IGF1R: variants seen among roughly 807,000 people sequenced by gnomAD.
The protein encoded by IGF1R is insulin like growth factor 1 receptor.
Under a neutral mutation model 144.6 loss-of-function variants are expected in IGF1R, and 44 were observed. The observed-to-expected ratio is 0.30, with a 90% confidence interval of 0.24 to 0.39. IGF1R has a LOEUF of 0.39. Ranked by LOEUF, IGF1R falls within the 10% of genes least tolerant of loss-of-function variation. The pLI is 1.00. For missense variants in IGF1R, 1,355 were observed against 1,833.7 expected (o/e 0.74, Z 4.77); for synonymous variants, 795 against 722.8 (o/e 1.10, Z -1.60).
chr15:98,691,488 C>G (rs929610404), intron 1 of IGF1R, among the ~76,000 whole-genome samples: 4 of 151,982 alleles, frequency 2.6e-5, no homozygotes, highest in African/African-American at 9.7e-5. Context: ...TTCAGCCTCC[C>G]GAGTAGCTGG....
At chr15:98,798,913 G>A (rs1223399391) in intron 2 of IGF1R, among the ~76,000 whole-genome samples, 7 of 152,118 alleles carry the variant, frequency 4.6e-5, no homozygotes, top group South Asian at 2.1e-4. Flanking sequence ...TCAAGGGTTC[G>A]TTCTGCTATT....
chr15:98,852,236 C>T (rs1252528233), intron 2 of IGF1R, among the ~76,000 whole-genome samples: 1 of 152,126 alleles, frequency 6.6e-6, no homozygotes, highest in African/African-American at 2.4e-5. Flanking sequence ...CCCGCTCCGC[C>T]GGCTGTGGTG....
chr15:98,802,671 G>C (rs2056387198), intron 2 of IGF1R, among the ~76,000 whole-genome samples: 1 of 152,202 alleles, frequency 6.6e-6, no homozygotes, highest in Non-Finnish European at 1.5e-5. Flanking sequence ...ACATCTACCT[G>C]TGCATTTTAT....
chr15:98,916,208 T>C (rs1194234066), intron 9 of IGF1R, 77 bp downstream of exon 9: 20 of 1,385,780 alleles, frequency 1.4e-5, no homozygotes, highest in African/African-American at 2.8e-5. Flanking sequence ...AGCCCTAATA[T>C]TACACGTATC....
At chr15:98,952,117 G>T (rs2016797654) in intron 20 of IGF1R, among the ~76,000 whole-genome samples, 1 of 152,142 alleles carries the variant, frequency 6.6e-6, no homozygotes, top group African/African-American at 2.4e-5. Flanking sequence ...TAGAGTAAAA[G>T]ATCCAGGACC....
intron 2 of IGF1R, among the ~76,000 whole-genome samples, chr15:98,854,795 C>T (rs1315371622): frequency 6.6e-6 from 1 of 152,166 alleles, no homozygotes; most frequent in Admixed American, 6.5e-5. Flanking sequence ...GTGAATCTCC[C>T]ATCACTACTT....
At position 98,790,289 on chromosome 15, in the gene IGF1R, C is replaced by G. The variant is rs374839140; in HGVS notation, c.640+82182C>G. Among the ~76,000 whole-genome samples the G allele has an allele frequency of 4.7e-4, 72 of 152,304 alleles. 1 individual carries two copies. The South Asian group carries it at 0.014, about 30-fold the overall frequency. On this transcript the variant is annotated intron_variant, in intron 2 of 20. Transcript: ENST00000650285. ...GTCCTTGCCTAGAAAGATCATCACT[C>G]TTTTTATTTAAAAGAAACATGTGAA...
intron 2 of IGF1R, among the ~76,000 whole-genome samples, chr15:98,849,318 G>T (rs141457546): frequency 0.011 from 1,713 of 152,290 alleles, 20 homozygotes; most frequent in Middle Eastern, 0.037. Context: ...TACTGGATTG[G>T]GGCATGTAAA....
At chr15:98,906,885 T>C (rs1234435833) in intron 5 of IGF1R, among the ~76,000 whole-genome samples, 1 of 152,250 alleles carries the variant, frequency 6.6e-6, no homozygotes, top group Non-Finnish European at 1.5e-5. Flanking sequence ...GTGTGCTCAC[T>C]GCACCCCTGT....
chr15:98,725,621 C>G (rs4965430), intron 2 of IGF1R, among the ~76,000 whole-genome samples: 79,319 of 152,018 alleles, frequency 0.52, 22,113 homozygotes, highest in Non-Finnish European at 0.62. Context: ...TTCCTTTGAT[C>G]AAGATCCTTG....
Position 98,964,203 on chromosome 15 carries a change from TA to T in IGF1R, c.*6770del, listed in dbSNP as rs967881948. 26 of 231,538 alleles carry T rather than the reference TA, an allele frequency of 1.1e-4. No individual in the cohort carries two copies. Among genetic ancestry groups the T allele is most frequent in the East Asian group, 2.5e-4 (4 of 16,300 alleles). 14.3% of individuals were successfully genotyped at this position (231,538 alleles called of 1,614,324 possible). A position where few individuals can be genotyped will look rare whatever the true frequency, so the allele number is the denominator to read the frequency against. On this transcript the variant is annotated 3_prime_UTR_variant, in exon 21 of 21. Coordinates refer to ENST00000650285, the MANE Select transcript of IGF1R (RefSeq NM_000875.5). The stretch of plus-strand genomic sequence containing the variant: ...TAATGCATTTTCTGAGTTTTCTTGT[TA>T]AAAAAAAATTTTTTTAAGTAAGAAA...
chr15:98,684,411 G>A (rs2053271096), intron 1 of IGF1R, among the ~76,000 whole-genome samples: 1 of 151,412 alleles, frequency 6.6e-6, no homozygotes, highest in Non-Finnish European at 1.5e-5. Flanking sequence ...TGGGGGAGGT[G>A]GGGGGTGTGG....
chr15:98,938,217 C>A (rs547823240), intron 17 of IGF1R, among the ~76,000 whole-genome samples: 2 of 152,312 alleles, frequency 1.3e-5, no homozygotes, highest in East Asian at 3.9e-4. Flanking sequence ...ACTGTGATAC[C>A]CCATGTGGAA....
intron 2 of IGF1R, among the ~76,000 whole-genome samples, chr15:98,826,029 G>A (rs2056889122): frequency 6.6e-6 from 1 of 152,234 alleles, no homozygotes; most frequent in East Asian, 1.9e-4. Flanking sequence ...AAGTTGTGGG[G>A]ATGAAATGGT....
intron 2 of IGF1R, among the ~76,000 whole-genome samples, chr15:98,801,021 T>G (rs2056351390): frequency 6.6e-6 from 1 of 152,204 alleles, no homozygotes; most frequent in Admixed American, 6.5e-5. Flanking sequence ...TTTTGCTTGC[T>G]TTTTTGAGTG....
chr15:98,808,484 A>G (rs1191582083), intron 2 of IGF1R, among the ~76,000 whole-genome samples: 1 of 152,208 alleles, frequency 6.6e-6, no homozygotes, highest in African/African-American at 2.4e-5. Context: ...CTGTGTCACC[A>G]GTGGCATATA....
At chr15:98,795,789 C>T (rs1029301849) in intron 2 of IGF1R, among the ~76,000 whole-genome samples, 1 of 152,130 alleles carries the variant, frequency 6.6e-6, no homozygotes. Flanking sequence ...TGAGAACTGT[C>T]GCACCACATG....
intron 1 of IGF1R, among the ~76,000 whole-genome samples, chr15:98,700,449 C>T (rs930330826): frequency 1.3e-5 from 2 of 152,092 alleles, no homozygotes; most frequent in African/African-American, 2.4e-5. Context: ...TTTCCTAGGG[C>T]AGTGGGTCTC....
At chr15:98,777,902 A>G (rs1461106121) in intron 2 of IGF1R, among the ~76,000 whole-genome samples, 1 of 152,216 alleles carries the variant, frequency 6.6e-6, no homozygotes, top group Non-Finnish European at 1.5e-5. Flanking sequence ...AGATGGAGGG[A>G]CCAATAGTAG....
Sources: gnomAD v4.1 joint callset for allele counts (sites outside exome capture counted in the v4.1 genomes callset) on GRCh38, gnomAD v4.1.1 for gene constraint, MANE v1.5 for transcripts, NCBI Gene and HGNC (gene_info 2026-07-23, HGNC 2026-07-21) for gene names.